Variants in WSCD2 observed in about 807,000 individuals in gnomAD.
WSCD2 encodes WSC domain sialate O sulfotransferase 2, also known as sialate:O-sulfotransferase 2.
A neutral mutation model predicts 55.7 loss-of-function variants in WSCD2; 28 were observed. The observed-to-expected ratio is 0.50, with a 90% CI of 0.37 to 0.69. The LOEUF (loss-of-function observed/expected upper bound fraction) is 0.69, where lower values mean the gene tolerates loss of function less well. WSCD2 is among the 30% of genes least tolerant of loss of function. The pLI, the probability that WSCD2 is intolerant of heterozygous loss-of-function variation, is 0.00. For missense variants in WSCD2, 616 were observed against 762.1 expected (o/e 0.81, Z 2.26); for synonymous variants, 301 against 301.9 (o/e 1.00, Z 0.03).
At chr12:108,172,699 G>A (rs1231319155) in intron 1 of WSCD2, among the ~76,000 whole-genome samples, 1 of 152,210 alleles carries the variant, frequency 6.6e-6, no homozygotes, top group Non-Finnish European at 1.5e-5. Flanking sequence ...GCACAGAACA[G>A]ATTTTTCCTC....
At chr12:108,242,417 T>C (rs1006747523) in intron 8 of WSCD2, among the ~76,000 whole-genome samples, 2 of 152,098 alleles carry the variant, frequency 1.3e-5, no homozygotes, top group African/African-American at 4.8e-5. Flanking sequence ...GAGATATCCA[T>C]ATGTGCAAAT....
chr12:108,193,993 A>G (rs759358816), intron 1 of WSCD2, among the ~76,000 whole-genome samples: 2 of 152,188 alleles, frequency 1.3e-5, no homozygotes, highest in East Asian at 1.9e-4. Context: ...TTGGCTGACT[A>G]TGGAATCTCA....
chr12:108,207,533 CTTTTTTTT>C (rs35090663), intron 3 of WSCD2, among the ~76,000 whole-genome samples: 1 of 53,626 alleles, frequency 1.9e-5, no homozygotes, highest in Non-Finnish European at 3.2e-5. Flanking sequence ...CCATGCCTGG[CTTTTTTTT>C]TTTTTTTTTT....
intron 1 of WSCD2, among the ~76,000 whole-genome samples, chr12:108,177,862 G>C (rs1881104222): frequency 6.6e-6 from 1 of 152,152 alleles, no homozygotes; most frequent in Non-Finnish European, 1.5e-5. Flanking sequence ...GGGGACAGTG[G>C]AGAGCCTCTA....
intron 1 of WSCD2, among the ~76,000 whole-genome samples, chr12:108,139,566 C>A (rs144731210): frequency 7.5e-4 from 115 of 152,328 alleles, no homozygotes; most frequent in African/African-American, 2.7e-3. Flanking sequence ...CAGCCCAGAT[C>A]AGCCACTTGC....
At chr12:108,200,392 G>A (rs189283312) in intron 2 of WSCD2, among the ~76,000 whole-genome samples, 8 of 152,330 alleles carry the variant, frequency 5.3e-5, no homozygotes, top group Non-Finnish European at 2.9e-5. Flanking sequence ...AGCCCGATTT[G>A]ATCAGAGTCC....
intron 4 of WSCD2, among the ~76,000 whole-genome samples, chr12:108,215,348 C>T (rs371417053): frequency 5.3e-5 from 8 of 152,184 alleles, no homozygotes; most frequent in African/African-American, 1.4e-4. Flanking sequence ...TCTTTCTAGG[C>T]GTCTGGTGCT....
Position 108,248,546 on chromosome 12 carries a change from A to T in WSCD2, c.*203A>T. 7.2e-7 allele frequency: 1 copy of T among 1,390,892 alleles called. No homozygotes were observed. Among genetic ancestry groups the T allele is most frequent in the South Asian group, 1.7e-5 (1 of 58,216 alleles). The allele number at this position is 1,390,892 out of a possible 1,614,324, so 86.2% of individuals were successfully genotyped here. On this transcript the variant is annotated 3_prime_UTR_variant, in exon 9 of 9. Transcript: ENST00000547525. The surrounding 1 kb of genome is among the most constrained non-coding windows in gnomAD (Gnocchi z 4.3). Reference sequence around the variant, plus strand: ...GCCCAGGCACTACCACTCTGCTCACATGTTCCCCCCTTGGCAATGTGGGGC... The same window carrying T: ...GCCCAGGCACTACCACTCTGCTCACTTGTTCCCCCCTTGGCAATGTGGGGC...
intron 4 of WSCD2, among the ~76,000 whole-genome samples, chr12:108,224,343 A>G (rs1887846918): frequency 6.6e-6 from 1 of 152,096 alleles, no homozygotes; most frequent in South Asian, 2.1e-4. Flanking sequence ...CAGTCCTCAA[A>G]CACTCAGCCC....
intron 4 of WSCD2, among the ~76,000 whole-genome samples, chr12:108,212,134 G>C (rs1886271381): frequency 6.6e-6 from 1 of 152,200 alleles, no homozygotes; most frequent in African/African-American, 2.4e-5. Context: ...GAGGACAGAG[G>C]TAGCATGTGA....
At chr12:108,154,436 G>A (rs1302955495) in intron 1 of WSCD2, among the ~76,000 whole-genome samples, 1 of 152,070 alleles carries the variant, frequency 6.6e-6, no homozygotes, top group Non-Finnish European at 1.5e-5. Context: ...CTCCGACTCT[G>A]ACCCTCCTGC....
At chr12:108,142,250 A>G (rs896094898) in intron 1 of WSCD2, among the ~76,000 whole-genome samples, 1 of 152,112 alleles carries the variant, frequency 6.6e-6, no homozygotes, top group African/African-American at 2.4e-5. Flanking sequence ...GAAAGCTTTG[A>G]TTTTTCTTCT....
intron 3 of WSCD2, among the ~76,000 whole-genome samples, chr12:108,207,809 T>C (rs1593027026): frequency 1.3e-5 from 2 of 152,090 alleles, no homozygotes; most frequent in Admixed American, 6.5e-5. Context: ...CTTGATAATA[T>C]GAAATCACTA....
In WSCD2 at chr12:108,227,154, A is replaced by G; in HGVS notation, c.969A>G (p.Thr323=). The G allele has an allele frequency of 6.2e-7, 1 of 1,613,356 alleles. No homozygotes were observed. Among genetic ancestry groups the G allele is most frequent in the Non-Finnish European group, 8.5e-7 (1 of 1,179,628 alleles). ...GTPSYFIVYQ[T]QVQDNRCMDR... ...CTAGTTACTTCATTGTGTACCAGAC[A>G]CAAGTCCAAGGTGAGCTAGGCCCTT... Residue 323 remains threonine (T), a synonymous_variant, in exon 6 of 9, where the codon ACA becomes ACG. Transcript: ENST00000547525.
In WSCD2 at chr12:108,214,522, G is replaced by A. The variant is rs962292966; in HGVS notation, c.682+4217G>A. The stretch of plus-strand genomic sequence containing the variant: ...TTCACAGCAGTTTGCTAAATGTGTC[G>A]GCAAGTGTAGCTCTCCTCCCAGGGA... On this transcript the variant is annotated intron_variant, in intron 4 of 8. Transcript: ENST00000547525. Among the ~76,000 whole-genome samples the A allele has an allele frequency of 2.0e-5, 3 of 152,174 alleles. No individual in the cohort carries two copies. In the South Asian group the frequency reaches 6.2e-4, roughly 32 times the overall value.
At chr12:108,224,648 G>A in intron 4 of WSCD2, 91 bp from the exon 5 acceptor site, 2 of 1,514,508 alleles carry the variant, frequency 1.3e-6, no homozygotes, top group Non-Finnish European at 1.8e-6. Flanking sequence ...CAAGACTCTT[G>A]CCTTCTCTGA....
chr12:108,248,151 C>T lies in WSCD2; in HGVS notation c.1506C>T (p.Val502=). The T allele has an allele frequency of 6.2e-7, 1 of 1,614,180 alleles. No homozygotes were observed. Among genetic ancestry groups the T allele is most frequent in the African/African-American group, 1.3e-5 (1 of 75,038 alleles). The change falls in exon 9 of 9, where the codon GTC becomes GTT. Residue 502 remains valine, a synonymous_variant. Coordinates refer to ENST00000547525, the MANE Select transcript of WSCD2 (RefSeq NM_014653.4). The surrounding 1 kb of genome is among the most constrained non-coding windows in gnomAD (Gnocchi z 4.3). ...TGGTCAGCCTGCTGGGCGTGGCTGTCAGGGAGGACCGGCTGCTCTGTGTGG... is the reference window on the plus strand; with the variant it reads ...TGGTCAGCCTGCTGGGCGTGGCTGTTAGGGAGGACCGGCTGCTCTGTGTGG... ...GRMVSLLGVA[V]REDRLLCVES... is the part of the protein sequence containing the mutation.
intron 1 of WSCD2, among the ~76,000 whole-genome samples, chr12:108,176,130 C>T (rs1240865509): frequency 2.0e-5 from 3 of 152,166 alleles, no homozygotes; most frequent in African/African-American, 4.8e-5. Flanking sequence ...CGAGCCACCA[C>T]GCCCGGCCTA....
chr12:108,217,793 C>T (rs1887020993), intron 4 of WSCD2, among the ~76,000 whole-genome samples: 1 of 152,204 alleles, frequency 6.6e-6, no homozygotes, highest in Non-Finnish European at 1.5e-5. Context: ...AGCTTCTAAT[C>T]CATCTCGGGC....
Sources: allele counts gnomAD v4.1 joint callset (sites outside exome capture counted in the v4.1 genomes callset), GRCh38; gene constraint gnomAD v4.1.1; non-coding constraint Gnocchi (gnomAD v3.1); transcripts MANE v1.5; gene names NCBI Gene and HGNC (gene_info 2026-07-23, HGNC 2026-07-21).